Variants in C10orf67 observed in about 807,000 individuals in gnomAD.
The protein encoded by C10orf67 is chromosome 10 open reading frame 67, also known as uncharacterized protein C10orf67, mitochondrial.
In C10orf67, 60 loss-of-function variants were observed where a neutral mutation model predicts 35.6. The ratio of observed to expected loss-of-function variants is 1.68; its 90% CI spans 1.37 to 2.09. The LOEUF (loss-of-function observed/expected upper bound fraction) is 2.09, where lower values mean the gene tolerates loss of function less well. C10orf67 is among the 30% of genes most tolerant of loss of function. C10orf67 has a pLI of 0.00. For missense variants in C10orf67, 474 were observed against 330.2 expected, an observed-to-expected ratio of 1.44 and a Z score of -3.38; for synonymous variants, 167 against 115.8, an observed-to-expected ratio of 1.44 and a Z score of -2.84.
chr10:23,223,451 T>C (rs1841642093), intron 15 of C10orf67, 147 bp downstream of exon 15: 3 of 640,072 alleles, frequency 4.7e-6, no homozygotes, highest in Non-Finnish European at 5.6e-6. Flanking sequence ...TCAGTTTATC[T>C]GTGCAATAAT....
rs562681115 is a variant in C10orf67, at chr10:23,225,160, C to G, written c.1435-1342G>C. On this transcript the variant is annotated intron_variant, in intron 13 of 15. Coordinates refer to ENST00000636213, the MANE Select transcript of C10orf67 (RefSeq NM_001371909.1). Reference sequence around the variant, plus strand: ...CACAAAGGGAAGCCCATCAGACTAACAGCGGATCTCTCGGCAGAAACTCTA... The same window carrying G: ...CACAAAGGGAAGCCCATCAGACTAAGAGCGGATCTCTCGGCAGAAACTCTA... Among the ~76,000 whole-genome samples, 33 of 152,340 alleles carry G rather than the reference C, an allele frequency of 2.2e-4. No individual in the cohort carries two copies. The East Asian group carries it at 6.2e-3, about 28-fold the overall frequency.
chr10:23,227,781 T>C (rs1017531800), intron 13 of C10orf67, among the ~76,000 whole-genome samples: 1 of 152,082 alleles, frequency 6.6e-6, no homozygotes, highest in African/African-American at 2.4e-5. Context: ...ACAAGCATTC[T>C]TATACACCAA....
At chr10:23,255,812 A>G (rs1050649527) in intron 10 of C10orf67, among the ~76,000 whole-genome samples, 18 of 152,342 alleles carry the variant, frequency 1.2e-4, no homozygotes, top group Non-Finnish European at 2.5e-4. Context: ...ATAATGGATT[A>G]TCTAAATTCA....
chr10:23,253,748 T>C (rs184520030), intron 10 of C10orf67, among the ~76,000 whole-genome samples: 50 of 152,330 alleles, frequency 3.3e-4, no homozygotes, highest in African/African-American at 1.2e-3. Context: ...CATATAATGA[T>C]CAACTATGTA....
intron 4 of C10orf67, among the ~76,000 whole-genome samples, chr10:23,313,352 A>C (rs1262926512): frequency 6.6e-6 from 1 of 152,242 alleles, no homozygotes; most frequent in African/African-American, 2.4e-5. Context: ...AAAGACCTCG[A>C]CATTATGGAT....
At position 23,339,023 on chromosome 10, in the gene C10orf67, G is replaced by A. The variant is rs542035487; in HGVS notation, c.206+5546C>T. ...CTCCTACAGTCATAGGTCCAAGAAT[G>A]AAGAGGCACCTCTCACTCTTATGCC... On this transcript the variant is annotated intron_variant, in intron 1 of 15. Coordinates refer to ENST00000636213, the MANE Select transcript of C10orf67 (RefSeq NM_001371909.1). 4.6e-5 allele frequency among the ~76,000 whole-genome samples: 7 copies of A among 152,296 alleles called. No homozygotes were observed. The South Asian group carries it at 1.2e-3, about 27-fold the overall frequency.
intron 4 of C10orf67, among the ~76,000 whole-genome samples, chr10:23,305,706 C>T (rs1054330552): frequency 6.6e-6 from 1 of 152,096 alleles, no homozygotes; most frequent in Non-Finnish European, 1.5e-5. Context: ...GGAGAAAAGG[C>T]AACCCTTGTG....
intron 4 of C10orf67, among the ~76,000 whole-genome samples, chr10:23,309,376 T>A (rs559221591): frequency 6.6e-6 from 1 of 152,070 alleles, no homozygotes; most frequent in South Asian, 2.1e-4. Flanking sequence ...TAATGGACAC[T>A]GGGGACTCCA....
downstream of C10orf67, chr10:23,202,035 ATTTC>A (rs2131688635): frequency 6.6e-6 from 1 of 152,294 alleles, no homozygotes; most frequent in East Asian, 1.9e-4. Flanking sequence ...AGATATGCAA[ATTTC>A]TTTCAATGGT....
Position 23,263,914 on chromosome 10 carries a change from C to T in C10orf67, c.1200+2348G>A, listed in dbSNP as rs150613652. ...GAAATCAGACAGCTAATGTTCATAT[C>T]GTATTTTTCAGACTGGCTAAACACT... On this transcript the variant is annotated intron_variant, in intron 10 of 15. Coordinates refer to ENST00000636213, the MANE Select transcript of C10orf67 (RefSeq NM_001371909.1). 1.2e-3 allele frequency among the ~76,000 whole-genome samples: 183 copies of T among 152,258 alleles called. 2 individuals carry two copies. The highest frequency in any genetic ancestry group is 4.3e-3 in the African/African-American group (179 of 41,542).
At chr10:23,239,838 A>C (rs746430443) in intron 12 of C10orf67, 22 bp from the exon 13 acceptor site, 10 of 606,054 alleles carry the variant, frequency 1.7e-5, no homozygotes, top group Non-Finnish European at 2.3e-5. Flanking sequence ...AAAATGATGA[A>C]ACTTAAAATG....
At chr10:23,206,791 A>C (rs558459353) in intron 15 of C10orf67, among the ~76,000 whole-genome samples, 1 of 152,170 alleles carries the variant, frequency 6.6e-6, no homozygotes, top group Non-Finnish European at 1.5e-5. Flanking sequence ...TCAATGAAAA[A>C]TTTCATTTAA....
chr10:23,344,351 G>A (rs1846051846), intron 1 of C10orf67: 4 of 589,086 alleles, frequency 6.8e-6, no homozygotes, highest in South Asian at 2.0e-5. Context: ...GAGGGGAGTG[G>A]AGAGGGGGAG....
chr10:23,253,530 C>A, intron 10 of C10orf67, among the ~76,000 whole-genome samples: 1 of 152,026 alleles, frequency 6.6e-6, no homozygotes, highest in East Asian at 1.9e-4. Flanking sequence ...AAAAAATTAA[C>A]CCAAATTAAA....
intron 15 of C10orf67, among the ~76,000 whole-genome samples, chr10:23,212,815 G>GAGAGAA (rs1841344118): frequency 6.7e-6 from 1 of 149,538 alleles, no homozygotes; most frequent in Admixed American, 6.7e-5. Flanking sequence ...GAGAGAGAGA[G>GAGAGAA]AGAGAGAGAC....
At chr10:23,217,758 T>G (rs1043326397) in intron 15 of C10orf67, among the ~76,000 whole-genome samples, 11 of 152,350 alleles carry the variant, frequency 7.2e-5, no homozygotes, top group Admixed American at 6.5e-4. Flanking sequence ...TGGTATTTAT[T>G]AAATGAAATA....
intron 12 of C10orf67, among the ~76,000 whole-genome samples, chr10:23,246,882 G>A (rs1299871601): frequency 1.3e-5 from 2 of 151,984 alleles, no homozygotes; most frequent in Middle Eastern, 3.2e-3. Flanking sequence ...TGGAGTGCAG[G>A]GTGTGATCAC....
intron 3 of C10orf67, 53 bp from the exon 4 acceptor site, chr10:23,320,868 C>T: frequency 8.3e-7 from 1 of 1,210,900 alleles, no homozygotes; most frequent in Non-Finnish European, 1.2e-6. Flanking sequence ...CAAATATGAC[C>T]CACACCTACT....
At chr10:23,235,844 C>T (rs1475182646) in intron 13 of C10orf67, among the ~76,000 whole-genome samples, 1 of 152,122 alleles carries the variant, frequency 6.6e-6, no homozygotes, top group Non-Finnish European at 1.5e-5. Flanking sequence ...TGGGTGGGCA[C>T]TGTGGCTCAC....
Sources: gnomAD v4.1 joint callset for allele counts (sites outside exome capture counted in the v4.1 genomes callset) on GRCh38, gnomAD v4.1.1 for gene constraint, MANE v1.5 for transcripts, NCBI Gene and HGNC (gene_info 2026-07-23, HGNC 2026-07-21) for gene names.